KMT2C: variants seen among roughly 807,000 people sequenced by gnomAD.
The protein encoded by KMT2C is histone-lysine N-methyltransferase 2C.
In KMT2C, 88 loss-of-function variants were observed where a neutral mutation model predicts 507.9. The ratio of observed to expected loss-of-function variants is 0.17; its 90% CI spans 0.15 to 0.21. The LOEUF is 0.21. Among genes scored for constraint, KMT2C ranks in the 10% least tolerant of loss-of-function variants. The pLI, the probability that KMT2C is intolerant of heterozygous loss-of-function variation, is 1.00. For missense variants in KMT2C, 4,954 were observed against 5,957.8 expected (o/e 0.83, Z 5.55); for synonymous variants, 2,049 against 2,080.8 (o/e 0.98, Z 0.42).
At chr7:152,227,091 C>T (rs574827290) in intron 18 of KMT2C, among the ~76,000 whole-genome samples, 1 of 152,316 alleles carries the variant, frequency 6.6e-6, no homozygotes, top group East Asian at 1.9e-4. Flanking sequence ...ACAGTCTGGT[C>T]TCTACACCCA....
intron 2 of KMT2C, among the ~76,000 whole-genome samples, chr7:152,348,264 G>GA (rs2129224293): frequency 6.6e-6 from 1 of 152,222 alleles, no homozygotes; most frequent in South Asian, 2.1e-4. Flanking sequence ...ATTTAAGGAA[G>GA]AAATTATACC....
chr7:152,429,819 T>C (rs1346065875), intron 1 of KMT2C, among the ~76,000 whole-genome samples: 3 of 151,412 alleles, frequency 2.0e-5, no homozygotes, highest in East Asian at 1.9e-4. Flanking sequence ...GTGCCCAGCC[T>C]TTCTATTACA....
At position 152,431,885 on chromosome 7, in the gene KMT2C, G is replaced by A. The variant is rs913146708; in HGVS notation, c.161+3741C>T. Reference sequence around the variant, plus strand: ...AGTGCTGTCTCTCAACTATAAACTTGTTTTATTAAATGGTATATATTGTAA... The same window carrying A: ...AGTGCTGTCTCTCAACTATAAACTTATTTTATTAAATGGTATATATTGTAA... On this transcript the variant is annotated intron_variant, in intron 1 of 58. Transcript: ENST00000262189. Among the ~76,000 whole-genome samples the A allele has an allele frequency of 1.2e-4, 19 of 152,212 alleles. 1 individual carries two copies. Among genetic ancestry groups the A allele is most frequent in the Admixed American group, 1.2e-3 (18 of 15,284 alleles).
intron 6 of KMT2C, among the ~76,000 whole-genome samples, chr7:152,299,956 A>C (rs2096552174): frequency 6.6e-6 from 1 of 152,176 alleles, no homozygotes; most frequent in African/African-American, 2.4e-5. Flanking sequence ...AATATGAGGC[A>C]AAGCATATTT....
intron 3 of KMT2C, among the ~76,000 whole-genome samples, chr7:152,317,447 C>T (rs765975454): frequency 1.3e-5 from 2 of 152,094 alleles, no homozygotes; most frequent in African/African-American, 2.4e-5. Context: ...TTTTCTGAAA[C>T]CCATCAGAGG....
rs546947408 is a variant in KMT2C at position 152,164,535 on chromosome 7, C to T, written c.9751-709G>A. On this transcript the variant is annotated intron_variant, in intron 42 of 58. Coordinates refer to ENST00000262189, the MANE Select transcript of KMT2C (RefSeq NM_170606.3). ...CGATCTCCTGACCTCGTGATCCGCC[C>T]GCCTCGGCCTCCCAAAGTGCTGGGA... 4.6e-5 allele frequency among the ~76,000 whole-genome samples: 7 copies of T among 152,038 alleles called. No individual in the cohort carries two copies. The South Asian group carries it at 6.2e-4, about 14-fold the overall frequency.
At chr7:152,186,131 G>A (rs867900981) in intron 33 of KMT2C, among the ~76,000 whole-genome samples, 1 of 152,102 alleles carries the variant, frequency 6.6e-6, no homozygotes, top group African/African-American at 2.4e-5. Context: ...AAATGAAGAA[G>A]CCTGGGTAAG....
chr7:152,277,604 A>T (rs1004936270), intron 6 of KMT2C, among the ~76,000 whole-genome samples: 2 of 152,188 alleles, frequency 1.3e-5, no homozygotes, highest in Non-Finnish European at 2.9e-5. Flanking sequence ...ATGTCTCCTT[A>T]AACTCCCTGA....
chr7:152,297,051 A>AAGAAAGAAAGAGAG (rs1356233143), intron 6 of KMT2C, among the ~76,000 whole-genome samples: 4 of 60,240 alleles, frequency 6.6e-5, no homozygotes, highest in Non-Finnish European at 1.3e-4. Context: ...GAAAGAAAGA[A>AAGAAAGAAAGAGAG]AGACAGAGAG....
chr7:152,193,655 T>G (rs1259943123), intron 31 of KMT2C, among the ~76,000 whole-genome samples: 1 of 151,814 alleles, frequency 6.6e-6, no homozygotes, highest in Non-Finnish European at 1.5e-5. Context: ...GATCAATGAG[T>G]ACAGGCAGCC....
At chr7:152,423,070 G>A (rs1424617097) in intron 1 of KMT2C, among the ~76,000 whole-genome samples, 2 of 151,498 alleles carry the variant, frequency 1.3e-5, no homozygotes, top group African/African-American at 4.8e-5. Context: ...GCCGGGTGCG[G>A]TGGCTCACGC....
At position 152,194,126 on chromosome 7, in the gene KMT2C, G is replaced by C; in HGVS notation, c.4543C>G (p.Leu1515Val). Residue 1515 changes from leucine (L) to valine (V), a missense_variant and splice_region_variant, in exon 31 of 59, where the codon CTT (leucine) becomes GTT (valine). Leu to Val is a conservative substitution (Grantham distance 32, BLOSUM62 1). Around this residue, in one of 29 missense-constraint regions of KMT2C, gnomAD observed 195 missense variants for 183.7 expected, o/e 1.06. Coordinates refer to ENST00000262189, the MANE Select transcript of KMT2C (RefSeq NM_170606.3). The stretch of plus-strand genomic sequence containing the variant: ...AAGTCTTCAACATCTTTTCCGCCAA[G>C]CTCTAGGAGATAAAACAATAATAGT... ...ILGKLYKIPE[L>V]GGKDVEDLFT... The C allele has an allele frequency of 6.4e-7, 1 of 1,573,104 alleles. No individual in the cohort carries two copies. Among genetic ancestry groups the C allele is most frequent in the Non-Finnish European group, 8.6e-7 (1 of 1,166,564 alleles).
intron 16 of KMT2C, among the ~76,000 whole-genome samples, chr7:152,232,636 G>A (rs1183794728): frequency 6.6e-6 from 1 of 152,044 alleles, no homozygotes; most frequent in Non-Finnish European, 1.5e-5. Flanking sequence ...GGTAAATTCT[G>A]ATCTACCTAT....
At position 152,179,993 on chromosome 7, in the gene KMT2C, A is replaced by G. The variant is rs547245394; in HGVS notation, c.7283T>C (p.Val2428Ala). The G allele has an allele frequency of 6.2e-7, 1 of 1,614,120 alleles. No homozygotes were observed. Among genetic ancestry groups the G allele is most frequent in the East Asian group, 2.2e-5 (1 of 44,882 alleles). The change falls in exon 37 of 59, where the codon GTT (valine) becomes GCT (alanine). Residue 2428 changes from valine (V) to alanine (A), a missense_variant. Val to Ala is a moderately conservative substitution (Grantham distance 64, BLOSUM62 0). Coordinates refer to ENST00000262189, the MANE Select transcript of KMT2C (RefSeq NM_170606.3). ...TGGGGGTCTGGTGAAAGCCTGGTTA[A>G]CATTCTCTGGTTGCCAGTGTTGAAG... Reference protein sequence around the residue: ...GPLQHWQPENVNQAFTRPPPP... With the variant: ...GPLQHWQPENANQAFTRPPPP...
chr7:152,368,269 G>C, intron 1 of KMT2C: 1 of 973,836 alleles, frequency 1.0e-6, no homozygotes, highest in Non-Finnish European at 1.7e-6. Flanking sequence ...TGTCCACTAT[G>C]AGAACTACAG....
At position 152,313,053 on chromosome 7, in the gene KMT2C, A is replaced by C. The variant is rs1051744273; in HGVS notation, c.591-1107T>G. 2.6e-5 allele frequency among the ~76,000 whole-genome samples: 4 copies of C among 152,272 alleles called. No homozygotes were observed. The South Asian group carries it at 6.2e-4, about 24-fold the overall frequency. ...ATCAAACCATATAAAAATAACCAGT[A>C]ATGTTTTTATGTTCAGCATTAGAAA... is the stretch of plus-strand genomic sequence containing the variant. On this transcript the variant is annotated intron_variant, in intron 4 of 58. Coordinates refer to ENST00000262189, the MANE Select transcript of KMT2C (RefSeq NM_170606.3).
rs76738791 is a variant in KMT2C at position 152,243,307 on chromosome 7, G to A, written c.2533-4481C>T. On this transcript the variant is annotated intron_variant, in intron 14 of 58. Coordinates refer to ENST00000262189, the MANE Select transcript of KMT2C (RefSeq NM_170606.3). ...AAAGGAAAGTCTGGTACTTCTAATC[G>A]GCTGTGTTGTTAGCTTGGTGTTCCA... Among the ~76,000 whole-genome samples the A allele has an allele frequency of 2.2e-4, 33 of 152,202 alleles. No individual in the cohort carries two copies. The East Asian group carries it at 5.8e-3, about 27-fold the overall frequency.
chr7:152,339,019 G>A (rs2096964946), intron 2 of KMT2C, among the ~76,000 whole-genome samples: 1 of 152,142 alleles, frequency 6.6e-6, no homozygotes, highest in African/African-American at 2.4e-5. Flanking sequence ...TCCCTCAAAG[G>A]TTAAATACTT....
At chr7:152,345,556 G>A (rs535979188) in intron 2 of KMT2C, among the ~76,000 whole-genome samples, 67 of 152,256 alleles carry the variant, frequency 4.4e-4, no homozygotes, top group South Asian at 1.2e-3. Flanking sequence ...ACAGAGTCTT[G>A]CTCTGTCGCC....
Sources: allele counts gnomAD v4.1 joint callset (sites outside exome capture counted in the v4.1 genomes callset), GRCh38; gene constraint gnomAD v4.1.1; regional missense constraint gnomAD v4.1.1; transcripts MANE v1.5; gene names NCBI Gene and HGNC (gene_info 2026-07-23, HGNC 2026-07-21).